The following UTS2B variants were observed in gnomAD, a reference collection of about 807,000 sequenced individuals.
The protein encoded by UTS2B is urotensin 2B, also known as urotensin-2B.
A neutral mutation model predicts 19.2 loss-of-function variants in UTS2B; 21 were observed. The observed-to-expected ratio is 1.09, with a 90% CI of 0.78 to 1.58. The LOEUF (loss-of-function observed/expected upper bound fraction) is 1.58. Among genes scored for constraint, UTS2B ranks in the 40% most tolerant of loss-of-function variants. The probability of loss-of-function intolerance (pLI) is 0.00; values close to 1 mark genes in which losing one functional copy is unlikely to be tolerated. For missense variants in UTS2B, 138 were observed against 130.3 expected (o/e 1.06, Z -0.29); for synonymous variants, 57 against 50.2 (o/e 1.14, Z -0.58).
chr3:191,290,949 TTC>T (rs755544043), intron 4 of UTS2B, among the ~76,000 whole-genome samples: 11 of 152,228 alleles, frequency 7.2e-5, no homozygotes, highest in Non-Finnish European at 1.2e-4. Flanking sequence ...TTATTTTTAC[TTC>T]TCTCTGACTA....
At chr3:191,304,578 T>C (rs1717087976) in intron 3 of UTS2B, 30 bp from the exon 4 acceptor site, 1 of 152,238 alleles carries the variant, frequency 6.6e-6, no homozygotes, top group Non-Finnish European at 1.5e-5. Context: ...ACAATGTGAA[T>C]ATAATGCTCT....
chr3:191,337,787 T>C, the UTS2B span, among the ~76,000 whole-genome samples: 1 of 152,146 alleles, frequency 6.6e-6, no homozygotes, highest in Non-Finnish European at 1.5e-5. Flanking sequence ...CAGAAGTTCA[T>C]GAGTATCCAA....
At chr3:191,282,590 A>G (rs1323767584) in intron 4 of UTS2B, among the ~76,000 whole-genome samples, 1 of 152,208 alleles carries the variant, frequency 6.6e-6, no homozygotes, top group Admixed American at 6.5e-5. Flanking sequence ...AGATTCCAGG[A>G]TTAATTAACC....
Position 191,274,244 on chromosome 3 carries a change from C to T in UTS2B, c.334+1008G>A, listed in dbSNP as rs139221315. 4.8e-4 allele frequency among the ~76,000 whole-genome samples: 73 copies of T among 152,116 alleles called. No individual in the cohort carries two copies. The East Asian group carries it at 0.012, about 25-fold the overall frequency. On this transcript the variant is annotated intron_variant, in intron 8 of 8. Transcript: ENST00000340524. ...TAACCCTTCTGAGATGCAGTTTTCT[C>T]GTCTATAAAAAAAGTCATATTAATA...
chr3:191,287,126 T>C (rs1379243870), intron 4 of UTS2B, among the ~76,000 whole-genome samples: 1 of 152,006 alleles, frequency 6.6e-6, no homozygotes, highest in East Asian at 1.9e-4. Flanking sequence ...AAGTCTCCCA[T>C]CAAAGAAAAG....
At chr3:191,332,155 C>A (rs140086163), upstream of UTS2B, among the ~76,000 whole-genome samples, 451 of 152,180 alleles carry the variant, frequency 3.0e-3, 4 homozygotes, top group African/African-American at 0.01. Context: ...GTGAACATTT[C>A]AATAGAGGTC....
chr3:191,324,161 C>A (rs985901773), intron 2 of UTS2B, among the ~76,000 whole-genome samples: 1 of 152,190 alleles, frequency 6.6e-6, no homozygotes, highest in Non-Finnish European at 1.5e-5. Context: ...GAGACCTTAG[C>A]TAGATCATTT....
chr3:191,294,269 C>A (rs561401465), intron 4 of UTS2B, among the ~76,000 whole-genome samples: 4 of 151,752 alleles, frequency 2.6e-5, no homozygotes, highest in Non-Finnish European at 5.9e-5. Flanking sequence ...AAGGGGAAAC[C>A]ACTGAGCAAG....
At chr3:191,344,980 A>G in the UTS2B span, among the ~76,000 whole-genome samples, 21 of 152,310 alleles carry the variant, frequency 1.4e-4, no homozygotes, top group Admixed American at 7.2e-4. Flanking sequence ...TCTTCAAAAC[A>G]TAAAGTTTTG....
intron 4 of UTS2B, among the ~76,000 whole-genome samples, chr3:191,300,411 A>C (rs1716965344): frequency 6.6e-6 from 1 of 152,202 alleles, no homozygotes; most frequent in African/African-American, 2.4e-5. Context: ...CAATGCCAGT[A>C]AATCCATTGT....
chr3:191,307,487 T>C (rs1576929293), intron 3 of UTS2B, among the ~76,000 whole-genome samples: 1 of 152,146 alleles, frequency 6.6e-6, no homozygotes, highest in Non-Finnish European at 1.5e-5. Flanking sequence ...ACATCATGTG[T>C]TTCTGTGTTG....
chr3:191,291,676 T>G (rs1344736350), intron 4 of UTS2B, among the ~76,000 whole-genome samples: 1 of 152,118 alleles, frequency 6.6e-6, no homozygotes, highest in African/African-American at 2.4e-5. Context: ...ATGGCCTCCA[T>G]CTCCTGACCT....
At chr3:191,299,262 AGAAAAAGGCC>A (rs1328192447) in intron 4 of UTS2B, among the ~76,000 whole-genome samples, 2 of 152,240 alleles carry the variant, frequency 1.3e-5, no homozygotes, top group South Asian at 4.1e-4. Flanking sequence ...CAAGACAGTA[AGAAAAAGGCC>A]TCCAAGGCAT....
chr3:191,319,379 A>G (rs1243550617), intron 2 of UTS2B, among the ~76,000 whole-genome samples: 1 of 152,216 alleles, frequency 6.6e-6, no homozygotes, highest in Admixed American at 6.5e-5. Flanking sequence ...CTGGACATTT[A>G]TCTGTAATAA....
intron 3 of UTS2B, among the ~76,000 whole-genome samples, chr3:191,312,487 C>G (rs1717330388): frequency 6.6e-6 from 1 of 152,170 alleles, no homozygotes; most frequent in African/African-American, 2.4e-5. Flanking sequence ...AATCTTTATT[C>G]CTGGCCTCAG....
At chr3:191,291,369 T>C (rs558802121) in intron 4 of UTS2B, among the ~76,000 whole-genome samples, 83 of 152,308 alleles carry the variant, frequency 5.4e-4, no homozygotes, top group Non-Finnish European at 9.7e-4. Context: ...TAAGAAACTA[T>C]TAGCTACTTG....
At chr3:191,318,797 C>T (rs1717534076) in intron 2 of UTS2B, among the ~76,000 whole-genome samples, 1 of 152,140 alleles carries the variant, frequency 6.6e-6, no homozygotes, top group African/African-American at 2.4e-5. Context: ...AGATTTCCCT[C>T]CATACATAGT....
At chr3:191,297,072 GA>G (rs1716876471) in intron 4 of UTS2B, among the ~76,000 whole-genome samples, 1 of 152,142 alleles carries the variant, frequency 6.6e-6, no homozygotes, top group South Asian at 2.1e-4. Context: ...CTTTAAATGA[GA>G]ATCTCTTCAA....
chr3:191,299,835 C>T (rs967186295), intron 4 of UTS2B, among the ~76,000 whole-genome samples: 9 of 152,190 alleles, frequency 5.9e-5, no homozygotes, highest in Non-Finnish European at 1.0e-4. Flanking sequence ...AGAGCAGCCA[C>T]GGGGGCTGAA....
Sources: gnomAD v4.1 joint callset for allele counts (sites outside exome capture counted in the v4.1 genomes callset) on GRCh38, gnomAD v4.1.1 for gene constraint, MANE v1.5 for transcripts, NCBI Gene and HGNC (gene_info 2026-07-23, HGNC 2026-07-21) for gene names.